GCNT1: variants seen among roughly 807,000 people sequenced by gnomAD.
The protein encoded by GCNT1 is beta-1,3-galactosyl-O-glycosyl-glycoprotein beta-1,6-N-acetylglucosaminyltransferase.
In GCNT1, 16 loss-of-function variants were observed where a neutral mutation model predicts 26.2. The ratio of observed to expected loss-of-function variants is 0.61; its 90% CI spans 0.41 to 0.93. The LOEUF is 0.93. Ranked by LOEUF, GCNT1 falls within the 40% of genes least tolerant of loss-of-function variation. The pLI, the probability that GCNT1 is intolerant of heterozygous loss-of-function variation, is 0.00. For missense variants in GCNT1, 477 were observed against 526.7 expected (o/e 0.91, Z 0.92); for synonymous variants, 183 against 190.8 (o/e 0.96, Z 0.34).
At chr9:76,436,168 T>G (rs1255493834) in intron 1 of GCNT1, among the ~76,000 whole-genome samples, 1 of 151,776 alleles carries the variant, frequency 6.6e-6, no homozygotes, top group Non-Finnish European at 1.5e-5. Context: ...CCCAGGATGG[T>G]CTTGAACTCC....
chr9:76,397,183 G>A, the GCNT1 span, among the ~76,000 whole-genome samples: 1 of 152,176 alleles, frequency 6.6e-6, no homozygotes, highest in Non-Finnish European at 1.5e-5. Context: ...TCGGGAGACT[G>A]GGGCGGAAGA....
At chr9:76,409,034 T>C in the GCNT1 span, among the ~76,000 whole-genome samples, 1 of 152,164 alleles carries the variant, frequency 6.6e-6, no homozygotes, top group African/African-American at 2.4e-5. Flanking sequence ...ATTAGTATGA[T>C]TTCTTTCTTA....
chr9:76,431,231 T>A (rs1042830848), intron 1 of GCNT1, among the ~76,000 whole-genome samples: 5 of 152,122 alleles, frequency 3.3e-5, no homozygotes, highest in Non-Finnish European at 7.4e-5. Context: ...ACTAACCACA[T>A]GGAGTTAGCA....
the GCNT1 span, among the ~76,000 whole-genome samples, chr9:76,401,329 G>T: frequency 1.3e-5 from 2 of 152,150 alleles, no homozygotes; most frequent in Non-Finnish European, 2.9e-5. Flanking sequence ...TCACAGGCAA[G>T]CTCATAGCAC....
At chr9:76,427,695 A>C (rs944860675) in intron 1 of GCNT1, among the ~76,000 whole-genome samples, 1 of 152,214 alleles carries the variant, frequency 6.6e-6, no homozygotes, top group African/African-American at 2.4e-5. Flanking sequence ...TAAAAATTAA[A>C]AGGATTAGTT....
At chr9:76,455,080 T>C (rs961037508), upstream of GCNT1, among the ~76,000 whole-genome samples, 2 of 151,998 alleles carry the variant, frequency 1.3e-5, no homozygotes, top group Non-Finnish European at 2.9e-5. Flanking sequence ...ACTCCTAACC[T>C]TGTGATTCGC....
At chr9:76,424,714 G>C (rs1053081359) in intron 1 of GCNT1, among the ~76,000 whole-genome samples, 1 of 152,172 alleles carries the variant, frequency 6.6e-6, no homozygotes, top group Non-Finnish European at 1.5e-5. Flanking sequence ...AAAATGGAAA[G>C]GTCAAAAGTG....
At chr9:76,399,100 C>T in the GCNT1 span, 6 of 1,585,174 alleles carry the variant, frequency 3.8e-6, no homozygotes, top group Non-Finnish European at 5.1e-6. Flanking sequence ...ACCAGCCTCT[C>T]ACGGAGGCAT....
At chr9:76,405,520 A>G in the GCNT1 span, among the ~76,000 whole-genome samples, 1 of 152,216 alleles carries the variant, frequency 6.6e-6, no homozygotes, top group African/African-American at 2.4e-5. Context: ...TCACTGTCAT[A>G]AAAATCCTCT....
the GCNT1 span, among the ~76,000 whole-genome samples, chr9:76,402,106 G>A: frequency 1.6e-4 from 24 of 152,234 alleles, no homozygotes; most frequent in South Asian, 3.3e-3. Flanking sequence ...TTGTCCTTCC[G>A]GGTACAGAGG....
chr9:76,399,192 A>G, the GCNT1 span: 3 of 1,463,618 alleles, frequency 2.0e-6, no homozygotes, highest in Non-Finnish European at 2.8e-6. Flanking sequence ...CCATGCAACA[A>G]CAAGGGAGCT....
At chr9:76,399,561 T>A in the GCNT1 span, 58 of 1,453,016 alleles carry the variant, frequency 4.0e-5, no homozygotes, top group African/African-American at 7.9e-4. Flanking sequence ...ACTGAATGGG[T>A]AGGAGCAACC....
chr9:76,478,378 G>A (rs1824312642), intron 2 of GCNT1, among the ~76,000 whole-genome samples: 1 of 152,160 alleles, frequency 6.6e-6, no homozygotes, highest in Admixed American at 6.5e-5. Flanking sequence ...TCACTGCGAA[G>A]GTCTGCGGCT....
At chr9:76,496,129 C>CT (rs1230481972) in intron 2 of GCNT1, among the ~76,000 whole-genome samples, 1 of 152,182 alleles carries the variant, frequency 6.6e-6, no homozygotes. Flanking sequence ...TGCCTGGGTC[C>CT]TACTGTTTTC....
the GCNT1 span, among the ~76,000 whole-genome samples, chr9:76,409,350 G>A: frequency 6.6e-6 from 1 of 151,992 alleles, no homozygotes; most frequent in Non-Finnish European, 1.5e-5. Flanking sequence ...TTCTTGGTTA[G>A]CCTGGCTAGA....
chr9:76,488,932 G>A (rs541045588), intron 2 of GCNT1, among the ~76,000 whole-genome samples: 73 of 152,280 alleles, frequency 4.8e-4, no homozygotes, highest in Non-Finnish European at 6.6e-4. Context: ...AATGTAGTAG[G>A]ATACAACAAT....
At chr9:76,452,348 A>C (rs1823681559) in intron 1 of GCNT1, among the ~76,000 whole-genome samples, 2 of 152,188 alleles carry the variant, frequency 1.3e-5, no homozygotes, top group African/African-American at 4.8e-5. Flanking sequence ...ACTAAAAAAA[A>C]TTTACATAAG....
chr9:76,455,128 G>A (rs943775411), upstream of GCNT1, among the ~76,000 whole-genome samples: 1 of 152,042 alleles, frequency 6.6e-6, no homozygotes, highest in African/African-American at 2.4e-5. Context: ...TTACAGGCGT[G>A]AGCCACCGCA....
intron 1 of GCNT1, among the ~76,000 whole-genome samples, chr9:76,447,193 A>G (rs1194277693): frequency 7.3e-6 from 1 of 136,984 alleles, no homozygotes; most frequent in Non-Finnish European, 1.6e-5. Context: ...ACAGATATGG[A>G]TGGTATGTGG....
Sources: allele counts gnomAD v4.1 joint callset (sites outside exome capture counted in the v4.1 genomes callset), GRCh38; gene constraint gnomAD v4.1.1; transcripts MANE v1.5; gene names NCBI Gene and HGNC (gene_info 2026-07-23, HGNC 2026-07-21).